CDH18: variants seen among roughly 807,000 people sequenced by gnomAD.
CDH18 encodes the protein cadherin-18.
In CDH18, 31 loss-of-function variants were observed where a neutral mutation model predicts 67.9. The observed-to-expected ratio is 0.46, with a 90% CI of 0.34 to 0.62. The LOEUF (loss-of-function observed/expected upper bound fraction) is 0.62. CDH18 is among the 20% of genes least tolerant of loss of function. The probability of loss-of-function intolerance (pLI) is 0.01; values close to 1 mark genes in which losing one functional copy is unlikely to be tolerated. For missense variants in CDH18, 890 were observed against 975.5 expected, an observed-to-expected ratio of 0.91 and a Z score of 1.17; for synonymous variants, 362 against 347.2, an observed-to-expected ratio of 1.04 and a Z score of -0.48.
At chr5:19,856,135 C>G (rs538206079) in intron 2 of CDH18, among the ~76,000 whole-genome samples, 1 of 152,312 alleles carries the variant, frequency 6.6e-6, no homozygotes, top group Admixed American at 6.5e-5. Context: ...AGCGTGCATG[C>G]TTTGGAACTG....
At chr5:20,060,062 C>T (rs1255862993) in intron 2 of CDH18, among the ~76,000 whole-genome samples, 7 of 151,982 alleles carry the variant, frequency 4.6e-5, no homozygotes, top group African/African-American at 1.7e-4. Flanking sequence ...CACCATGGCA[C>T]GTGTATACTT....
chr5:19,991,219 G>A (rs1028041048), upstream of CDH18, among the ~76,000 whole-genome samples: 1 of 152,104 alleles, frequency 6.6e-6, no homozygotes, highest in African/African-American at 2.4e-5. Context: ...ACCTGAATAA[G>A]GGAGCAATGT....
chr5:19,534,781 T>C (rs921326268), intron 9 of CDH18, among the ~76,000 whole-genome samples: 2 of 152,238 alleles, frequency 1.3e-5, no homozygotes, highest in African/African-American at 4.8e-5. Context: ...TAATATTAAA[T>C]ACAATATTGC....
chr5:19,864,170 C>A (rs1785204021), intron 2 of CDH18, among the ~76,000 whole-genome samples: 1 of 149,790 alleles, frequency 6.7e-6, no homozygotes, highest in Admixed American at 6.7e-5. Flanking sequence ...AAATGTGGCA[C>A]ATATACACCA....
At chr5:19,699,492 G>GTAT (rs573337589) in intron 5 of CDH18, among the ~76,000 whole-genome samples, 230 of 152,172 alleles carry the variant, frequency 1.5e-3, no homozygotes, top group African/African-American at 5.3e-3. Flanking sequence ...CAATTTGTTA[G>GTAT]TATTTGTAGA....
intron 1 of CDH18, among the ~76,000 whole-genome samples, chr5:20,465,712 T>C (rs1223213070): frequency 1.3e-5 from 2 of 151,960 alleles, no homozygotes; most frequent in African/African-American, 4.8e-5. Flanking sequence ...GCAATCTGAG[T>C]GAATGAAATA....
At chr5:20,079,353 T>G (rs886213616) in intron 2 of CDH18, among the ~76,000 whole-genome samples, 1 of 152,210 alleles carries the variant, frequency 6.6e-6, no homozygotes, top group African/African-American at 2.4e-5. Flanking sequence ...TTTACCTATG[T>G]CTTCTAGGTT....
At chr5:20,179,188 T>C (rs764077125) in intron 2 of CDH18, among the ~76,000 whole-genome samples, 5 of 152,176 alleles carry the variant, frequency 3.3e-5, no homozygotes, top group Non-Finnish European at 7.4e-5. Flanking sequence ...AGCCTACATT[T>C]ACTGAGCACA....
At chr5:20,411,638 T>G (rs776389777) in intron 1 of CDH18, among the ~76,000 whole-genome samples, 1 of 149,154 alleles carries the variant, frequency 6.7e-6, no homozygotes, top group Non-Finnish European at 1.5e-5. Flanking sequence ...CACAGGAAAA[T>G]AAATAATCAA....
chr5:20,469,290 G>T (rs1751881811), intron 1 of CDH18, among the ~76,000 whole-genome samples: 1 of 152,076 alleles, frequency 6.6e-6, no homozygotes, highest in Non-Finnish European at 1.5e-5. Context: ...CATTTATTCT[G>T]TTCGTATTTT....
In CDH18 at chr5:19,521,406, C is replaced by A. The variant is rs147642888; in HGVS notation, c.1391-628G>T. Among the ~76,000 whole-genome samples, 1,424 of 152,132 alleles carry A rather than the reference C, an allele frequency of 9.4e-3. 22 individuals are homozygous for A. The highest frequency in any genetic ancestry group is 0.043 in the Admixed American group (660 of 15,254). On this transcript the variant is annotated intron_variant, in intron 9 of 12. Transcript: ENST00000382275. ...AACATCTTAAACTAAGACTTTTTAT[C>A]TTTTCAGTGGGTTTATTAATTCTGA...
Position 20,041,828 on chromosome 5 carries a change from A to T in CDH18, c.-517-49814T>A, listed in dbSNP as rs1260094092. Among the ~76,000 whole-genome samples, 4 of 152,268 alleles carry T rather than the reference A, an allele frequency of 2.6e-5. No individual in the cohort carries two copies. The East Asian group carries it at 7.7e-4, about 29-fold the overall frequency. ...TAAACAGCATTTTACAGAGGAAAAGAAGCAGAATAATAATTCTGTTGAATC... is the reference window on the plus strand; with the variant it reads ...TAAACAGCATTTTACAGAGGAAAAGTAGCAGAATAATAATTCTGTTGAATC... On this transcript the variant is annotated intron_variant, in intron 2 of 14. Coordinates refer to the CDH18 transcript ENST00000507958.
intron 2 of CDH18, among the ~76,000 whole-genome samples, chr5:20,038,794 T>A (rs1181875532): frequency 2.0e-5 from 3 of 152,154 alleles, no homozygotes; most frequent in Non-Finnish European, 1.5e-5. Context: ...AAGACAAGGA[T>A]GTCCTCTATC....
chr5:20,568,829 G>A (rs552212578), intron 1 of CDH18, among the ~76,000 whole-genome samples: 164 of 152,234 alleles, frequency 1.1e-3, no homozygotes, highest in Non-Finnish European at 2.0e-3. Flanking sequence ...TAGTTTGTGA[G>A]CAAGCTAGTC....
intron 5 of CDH18, among the ~76,000 whole-genome samples, chr5:19,637,363 T>C (rs183196212): frequency 6.6e-6 from 1 of 152,136 alleles, no homozygotes; most frequent in South Asian, 2.1e-4. Context: ...ACGGCTGCCA[T>C]GCCAACTCGA....
intron 1 of CDH18, among the ~76,000 whole-genome samples, chr5:20,538,102 G>A (rs1477029073): frequency 6.6e-6 from 1 of 152,028 alleles, no homozygotes; most frequent in Admixed American, 6.6e-5. Flanking sequence ...ATAGAAAGAG[G>A]GAAGTGCAGA....
chr5:20,304,469 C>T, intron 1 of CDH18: 1 of 1,555,814 alleles, frequency 6.4e-7, no homozygotes, highest in East Asian at 2.2e-5. Context: ...ACCACTGTCA[C>T]CTTCCGCTTG....
intron 3 of CDH18, among the ~76,000 whole-genome samples, chr5:19,787,748 A>T (rs1364514284): frequency 2.0e-5 from 3 of 151,326 alleles, no homozygotes; most frequent in Non-Finnish European, 2.9e-5. Flanking sequence ...GATAGAATTT[A>T]AAAAAATAAT....
chr5:19,801,221 G>A (rs1278557803), intron 3 of CDH18, among the ~76,000 whole-genome samples: 1 of 152,088 alleles, frequency 6.6e-6, no homozygotes, highest in African/African-American at 2.4e-5. Flanking sequence ...TTTTTTAAAA[G>A]AATATTTTCA....
Sources: allele counts gnomAD v4.1 joint callset (sites outside exome capture counted in the v4.1 genomes callset), GRCh38; gene constraint gnomAD v4.1.1; transcripts MANE v1.5; gene names NCBI Gene and HGNC (gene_info 2026-07-23, HGNC 2026-07-21).